Variants in RMP24 observed in about 807,000 individuals in gnomAD.
RMP24 encodes ribonuclease MRP protein subunit p24.
the RMP24 span, among the ~76,000 whole-genome samples, chr18:35,974,726 G>A: frequency 1.3e-5 from 2 of 152,138 alleles, no homozygotes; most frequent in African/African-American, 2.4e-5. Flanking sequence ...GTAGTATTTT[G>A]CAAGGTAAAT....
At chr18:35,975,223 A>AC in the RMP24 span, 1 of 715,732 alleles carries the variant, frequency 1.4e-6, no homozygotes, top group African/African-American at 1.8e-5. Context: ...ATCAAAATAT[A>AC]TACATAAACA....
At chr18:35,974,118 C>A in the RMP24 span, among the ~76,000 whole-genome samples, 2 of 152,198 alleles carry the variant, frequency 1.3e-5, no homozygotes, top group African/African-American at 4.8e-5. Flanking sequence ...GGGATTCTTG[C>A]CTCACATATC....
the RMP24 span, chr18:35,974,767 A>G: frequency 1.2e-6 from 1 of 841,884 alleles, no homozygotes; most frequent in Non-Finnish European, 1.8e-6. Flanking sequence ...GTAAATTTTC[A>G]TATTTTGAGT....
the RMP24 span, chr18:35,977,413 A>T: frequency 6.2e-7 from 1 of 1,603,636 alleles, no homozygotes; most frequent in Non-Finnish European, 8.5e-7. Flanking sequence ...ATGGTAGTTG[A>T]TCACTTGTAA....
At chr18:35,977,691 G>C in the RMP24 span, 7 of 1,352,224 alleles carry the variant, frequency 5.2e-6, no homozygotes, top group East Asian at 1.6e-4. Context: ...AATATGCCAT[G>C]CATTTCAGGA....
At chr18:35,977,430 C>G in the RMP24 span, 91 of 1,612,698 alleles carry the variant, frequency 5.6e-5, no homozygotes, top group Non-Finnish European at 7.4e-5. Context: ...GTAAAACATG[C>G]AACAGAACAG....
At chr18:35,977,297 C>G in the RMP24 span, 1 of 935,212 alleles carries the variant, frequency 1.1e-6, no homozygotes, top group Non-Finnish European at 1.6e-6. Flanking sequence ...ATTTTACTTA[C>G]CCCTATAGTA....
At chr18:35,973,038 G>C in the RMP24 span, 2 of 1,259,202 alleles carry the variant, frequency 1.6e-6, no homozygotes, top group Admixed American at 4.1e-5. Context: ...GCCCGCATGT[G>C]TCTCGGTTTC....
the RMP24 span, chr18:35,973,252 T>C: frequency 1.2e-5 from 5 of 419,242 alleles, no homozygotes; most frequent in African/African-American, 9.9e-5. Context: ...TACTCAGCCC[T>C]TGGACCTCTT....
the RMP24 span, among the ~76,000 whole-genome samples, chr18:35,976,348 A>G: frequency 1.3e-5 from 2 of 151,948 alleles, no homozygotes; most frequent in South Asian, 4.2e-4. Context: ...CCTCCTTCCA[A>G]AAAGTGTAAA....
chr18:35,979,021 C>A, the RMP24 span: 3 of 1,546,138 alleles, frequency 1.9e-6, no homozygotes, highest in South Asian at 2.5e-5. Flanking sequence ...TGCCTGATGT[C>A]AATTCTGAAA....
the RMP24 span, chr18:35,973,190 CT>C: frequency 3.6e-6 from 2 of 561,524 alleles, no homozygotes; most frequent in East Asian, 6.1e-5. Context: ...TCTCGATTTG[CT>C]TTGCTGGTTC....
the RMP24 span, chr18:35,974,835 A>C: frequency 1.4e-6 from 2 of 1,397,718 alleles, no homozygotes. Context: ...AAATGTTGAC[A>C]GTTTGAGGTA....
chr18:35,979,185 A>G, the RMP24 span: 1 of 514,256 alleles, frequency 1.9e-6, no homozygotes, highest in Non-Finnish European at 3.4e-6. Context: ...CTCATAGGAC[A>G]GCTGTGAGGA....
the RMP24 span, chr18:35,977,586 A>C: frequency 1.2e-6 from 2 of 1,611,632 alleles, no homozygotes; most frequent in Non-Finnish European, 8.5e-7. Flanking sequence ...GCAAGAGCCC[A>C]GCATCGGTTT....
At chr18:35,974,198 C>G in the RMP24 span, among the ~76,000 whole-genome samples, 1 of 152,178 alleles carries the variant, frequency 6.6e-6, no homozygotes, top group Non-Finnish European at 1.5e-5. Context: ...TCCCTAGCCA[C>G]CTATTTAAAA....
At chr18:35,975,762 G>C in the RMP24 span, among the ~76,000 whole-genome samples, 15 of 152,260 alleles carry the variant, frequency 9.9e-5, no homozygotes, top group African/African-American at 3.6e-4. Context: ...CACTGTGCCG[G>C]GCACTGGACA....
the RMP24 span, among the ~76,000 whole-genome samples, chr18:35,978,575 C>T: frequency 6.6e-6 from 1 of 152,162 alleles, no homozygotes; most frequent in Non-Finnish European, 1.5e-5. Flanking sequence ...GGCGCCACTG[C>T]ACTCCAGCCT....
the RMP24 span, chr18:35,974,843 G>A: frequency 2.6e-5 from 39 of 1,484,320 alleles, no homozygotes; most frequent in Non-Finnish European, 3.5e-5. Context: ...ACAGTTTGAG[G>A]TAACAAAATA....
Sources: gnomAD v4.1 joint callset for allele counts (sites outside exome capture counted in the v4.1 genomes callset) on GRCh38, gnomAD v4.1.1 for gene constraint, MANE v1.5 for transcripts, NCBI Gene and HGNC (gene_info 2026-07-23, HGNC 2026-07-21) for gene names.